The following PHF24 variants were observed in gnomAD, a reference collection of about 807,000 sequenced individuals.
PHF24 encodes the protein Galpha inhibitory interacting protein.
In PHF24, 25 loss-of-function variants were observed where a neutral mutation model predicts 42.6. The observed-to-expected ratio is 0.59, with a 90% CI of 0.43 to 0.82. The LOEUF is 0.82. Among genes scored for constraint, PHF24 ranks in the 40% least tolerant of loss-of-function variants. The pLI is 0.00. For missense variants in PHF24, 470 were observed against 538.1 expected (o/e 0.87, Z 1.25); for synonymous variants, 185 against 204.8 (o/e 0.90, Z 0.83).
chr9:34,754,084 C>T, the PHF24 span, among the ~76,000 whole-genome samples: 13 of 152,046 alleles, frequency 8.6e-5, 1 homozygote, highest in African/African-American at 3.1e-4. Flanking sequence ...CTCTCCAGGA[C>T]ATTGGACTGG....
At chr9:34,718,415 C>G in the PHF24 span, among the ~76,000 whole-genome samples, 1 of 152,320 alleles carries the variant, frequency 6.6e-6, no homozygotes, top group Non-Finnish European at 1.5e-5. Flanking sequence ...GACTGGTCAG[C>G]CCTGTGAGGC....
chr9:34,944,149 T>C, the PHF24 span, among the ~76,000 whole-genome samples: 84 of 152,352 alleles, frequency 5.5e-4, no homozygotes, highest in African/African-American at 1.9e-3. Flanking sequence ...AGAACCACCC[T>C]ATTCTCTAGG....
chr9:34,835,555 T>A, the PHF24 span: 1 of 1,551,656 alleles, frequency 6.4e-7, no homozygotes, highest in African/African-American at 1.4e-5. Context: ...GATGCTGGCC[T>A]TGGTTTCCCT....
At chr9:34,959,322 G>A (rs1826509595) in intron 1 of PHF24, among the ~76,000 whole-genome samples, 2 of 152,176 alleles carry the variant, frequency 1.3e-5, no homozygotes, top group Admixed American at 6.5e-5. Flanking sequence ...ACGCTAGGCA[G>A]TATACTAGGT....
At chr9:34,893,601 C>CAA in the PHF24 span, among the ~76,000 whole-genome samples, 3 of 128,648 alleles carry the variant, frequency 2.3e-5, no homozygotes, top group African/African-American at 8.5e-5. Flanking sequence ...AACTCTGTCT[C>CAA]AAAAAAAAAA....
chr9:34,705,812 C>A, the PHF24 span, among the ~76,000 whole-genome samples: 13 of 152,084 alleles, frequency 8.5e-5, no homozygotes, highest in Non-Finnish European at 2.9e-5. Context: ...GGCTGTAATC[C>A]CAGCACTTTG....
At chr9:34,926,728 G>A in the PHF24 span, among the ~76,000 whole-genome samples, 4 of 151,980 alleles carry the variant, frequency 2.6e-5, no homozygotes, top group South Asian at 2.1e-4. This position sits in a 1 kb window ranked among gnomAD's most constrained non-coding sequence, Gnocchi z 4.3. Context: ...ACACAGCTTC[G>A]TGGCTGCTCA....
At chr9:34,874,376 G>A in the PHF24 span, among the ~76,000 whole-genome samples, 1 of 152,058 alleles carries the variant, frequency 6.6e-6, no homozygotes, top group Non-Finnish European at 1.5e-5. Flanking sequence ...CAATAAATTA[G>A]GTATTAATGG....
intron 1 of PHF24, 83 bp from the exon 2 acceptor site, chr9:34,971,212 C>T: frequency 6.8e-7 from 1 of 1,463,010 alleles, no homozygotes; most frequent in South Asian, 1.3e-5. Flanking sequence ...TGTTTAATAG[C>T]CCTTGCCACT....
chr9:34,796,703 T>C, the PHF24 span, among the ~76,000 whole-genome samples: 1 of 152,200 alleles, frequency 6.6e-6, no homozygotes, highest in South Asian at 2.1e-4. Context: ...CTCTCATACA[T>C]TGCTACCAGG....
the PHF24 span, among the ~76,000 whole-genome samples, chr9:34,730,134 C>A: frequency 6.6e-6 from 1 of 152,046 alleles, no homozygotes; most frequent in Admixed American, 6.6e-5. Flanking sequence ...GGTTAGTGGC[C>A]GCTTCTGACT....
intron 1 of PHF24, among the ~76,000 whole-genome samples, chr9:34,961,713 C>T (rs185445054): frequency 1.1e-3 from 167 of 152,364 alleles, no homozygotes; most frequent in African/African-American, 3.9e-3. Context: ...GCCCTCCTGC[C>T]AGTGCCCTGC....
intron 1 of PHF24, among the ~76,000 whole-genome samples, chr9:34,968,414 A>G (rs1213194246): frequency 6.6e-6 from 1 of 152,228 alleles, no homozygotes; most frequent in Non-Finnish European, 1.5e-5. Context: ...TCTTTCTTCA[A>G]TAAATCTCCT....
At chr9:34,973,112 A>C (rs1210183959) in intron 3 of PHF24, among the ~76,000 whole-genome samples, 1 of 152,046 alleles carries the variant, frequency 6.6e-6, no homozygotes, top group African/African-American at 2.4e-5. Flanking sequence ...AAGGTAGCAA[A>C]ATCACCCCCG....
At chr9:34,728,147 G>A in the PHF24 span, 1 of 1,421,216 alleles carries the variant, frequency 7.0e-7, no homozygotes, top group East Asian at 2.5e-5. Flanking sequence ...ATAGGAAGCT[G>A]AATAGTAAGG....
chr9:34,689,599 G>C, the PHF24 span: 2 of 567,714 alleles, frequency 3.5e-6, no homozygotes, highest in Non-Finnish European at 3.1e-6. This position sits in a 1 kb window ranked among gnomAD's most constrained non-coding sequence, Gnocchi z 4.1. Context: ...GGCTTTATTG[G>C]TAGCATTGCA....
At chr9:34,851,518 A>T in the PHF24 span, among the ~76,000 whole-genome samples, 1 of 152,058 alleles carries the variant, frequency 6.6e-6, no homozygotes, top group Non-Finnish European at 1.5e-5. Flanking sequence ...CCTTTCTTTG[A>T]CTAGGAAAGG....
At chr9:34,892,088 G>A in the PHF24 span, among the ~76,000 whole-genome samples, 1 of 152,318 alleles carries the variant, frequency 6.6e-6, no homozygotes, top group Non-Finnish European at 1.5e-5. Flanking sequence ...AGACAGTAAT[G>A]TGCAGAAAAG....
chr9:34,929,960 ATT>A, the PHF24 span, among the ~76,000 whole-genome samples: 1 of 152,206 alleles, frequency 6.6e-6, no homozygotes, highest in African/African-American at 2.4e-5. Context: ...CCACTCTGCT[ATT>A]ATATTTGCAT....
Sources: allele counts gnomAD v4.1 joint callset (sites outside exome capture counted in the v4.1 genomes callset), GRCh38; gene constraint gnomAD v4.1.1; non-coding constraint Gnocchi (gnomAD v3.1); transcripts MANE v1.5; gene names NCBI Gene and HGNC (gene_info 2026-07-23, HGNC 2026-07-21).